Variants in SSH1 observed in about 807,000 individuals in gnomAD.
SSH1 encodes slingshot protein phosphatase 1, also known as protein phosphatase Slingshot homolog 1.
In SSH1, 43 loss-of-function variants were observed where a neutral mutation model predicts 79.7. The observed-to-expected ratio is 0.54, with a 90% CI of 0.42 to 0.70. SSH1 has a LOEUF of 0.70. Ranked by LOEUF, SSH1 falls within the 30% of genes least tolerant of loss-of-function variation. The pLI is 0.00. For synonymous variants in SSH1, 599 were observed against 538.3 expected, an observed-to-expected ratio of 1.11 and a Z score of -1.56; for missense variants, 1,206 against 1,358.8, an observed-to-expected ratio of 0.89 and a Z score of 1.77.
chr12:108,815,255 G>A (rs1268549480), intron 5 of SSH1, among the ~76,000 whole-genome samples: 3 of 152,212 alleles, frequency 2.0e-5, no homozygotes, highest in African/African-American at 4.8e-5. Flanking sequence ...GCTTCTGACT[G>A]TCATGTGTAA....
intron 2 of SSH1, among the ~76,000 whole-genome samples, chr12:108,832,319 AAAAGAAAAG>A (rs1037275528): frequency 1.3e-5 from 2 of 150,980 alleles, no homozygotes; most frequent in South Asian, 2.1e-4. Flanking sequence ...CTCCCAAAAG[AAAAGAAAAG>A]AAAGAAAAGA....
chr12:108,797,485 T>A (rs1269577778), intron 13 of SSH1, among the ~76,000 whole-genome samples: 1 of 152,174 alleles, frequency 6.6e-6, no homozygotes. Context: ...ACTGGCTCTT[T>A]CTGAATAATG....
intron 2 of SSH1, among the ~76,000 whole-genome samples, chr12:108,836,626 G>A (rs767530193): frequency 6.6e-6 from 1 of 152,132 alleles, no homozygotes; most frequent in Non-Finnish European, 1.5e-5. Flanking sequence ...GAATTGAAAC[G>A]GACATTGATG....
chr12:108,855,804 T>A (rs2039132393), intron 1 of SSH1, among the ~76,000 whole-genome samples: 1 of 152,142 alleles, frequency 6.6e-6, no homozygotes, highest in South Asian at 2.1e-4. Flanking sequence ...CTAATCAGCG[T>A]GTAGAGGGGG....
chr12:108,797,183 G>C (rs947018432), intron 13 of SSH1, among the ~76,000 whole-genome samples: 2 of 152,028 alleles, frequency 1.3e-5, no homozygotes, highest in Non-Finnish European at 2.9e-5. Context: ...CTGGAGTGCA[G>C]TGGCACAATC....
chr12:108,780,956 T>G lies in SSH1; in HGVS notation c.*7032A>C, dbSNP rs2036139551. On this transcript the variant is annotated 3_prime_UTR_variant, in exon 15 of 15. Transcript: ENST00000326495. ...GGGAGGCTGAGGCAGGAAAATCACT[T>G]GAACCCAGGAGGCAGAGGTTGCGGT... 1 of 151,298 alleles carries G rather than the reference T, an allele frequency of 6.6e-6. No homozygotes were observed. Among genetic ancestry groups the G allele is most frequent in the Non-Finnish European group, 1.5e-5 (1 of 67,878 alleles). 9.4% of individuals were successfully genotyped at this position (151,298 alleles called of 1,614,324 possible).
chr12:108,839,099 C>T (rs2038714145), intron 2 of SSH1, among the ~76,000 whole-genome samples: 1 of 152,212 alleles, frequency 6.6e-6, no homozygotes, highest in Non-Finnish European at 1.5e-5. Context: ...CTCTTTTTGA[C>T]TCCACACAGA....
intron 10 of SSH1, among the ~76,000 whole-genome samples, chr12:108,803,715 G>A (rs934253659): frequency 2.6e-5 from 4 of 152,296 alleles, no homozygotes; most frequent in Admixed American, 2.0e-4. Context: ...GGAGAAAGAA[G>A]GAAGGTGCCT....
At chr12:108,836,045 A>C (rs1286174756) in intron 2 of SSH1, among the ~76,000 whole-genome samples, 6 of 147,416 alleles carry the variant, frequency 4.1e-5, no homozygotes, top group Admixed American at 1.4e-4. Context: ...ATTAATATTA[A>C]TATAATCAAT....
intron 3 of SSH1, among the ~76,000 whole-genome samples, chr12:108,821,514 T>C (rs1221329496): frequency 6.6e-6 from 1 of 152,130 alleles, no homozygotes; most frequent in Admixed American, 6.5e-5. Flanking sequence ...CAGCACCTAC[T>C]ACAGGTAGGT....
chr12:108,816,909 G>A lies in SSH1; in HGVS notation c.401+129C>T, dbSNP rs563722958. The A allele has an allele frequency of 2.2e-5, 32 of 1,426,778 alleles. No individual in the cohort carries two copies. In the East Asian group the frequency reaches 5.1e-4, roughly 23 times the overall value. The allele number at this position is 1,426,778 out of a possible 1,614,324, so 88.4% of individuals were successfully genotyped here. ...CACACCCTAGTGTTCCCAGTGGCTC[G>A]ACTCCCCAGGCTCTCCATCAGGACG... On this transcript the variant is annotated intron_variant, in intron 5 of 14. Transcript: ENST00000326495.
intron 2 of SSH1, chr12:108,827,389 C>T: frequency 6.6e-7 from 1 of 1,508,010 alleles, no homozygotes; most frequent in Non-Finnish European, 8.9e-7. Flanking sequence ...TACAACTGCC[C>T]TCCGAGCTCT....
chr12:108,837,982 C>T (rs1212104453), intron 2 of SSH1, among the ~76,000 whole-genome samples: 3 of 152,252 alleles, frequency 2.0e-5, no homozygotes, highest in Admixed American at 6.5e-5. Context: ...CAGGGTCTCA[C>T]TATGCTGCCA....
rs977779669 is a variant in SSH1 at position 108,785,253 on chromosome 12, T to A, written c.*2735A>T. 1.3e-5 allele frequency: 2 copies of A among 152,274 alleles called. No homozygotes were observed. Among genetic ancestry groups the A allele is most frequent in the Admixed American group, 1.3e-4 (2 of 15,276 alleles). 9.4% of individuals were successfully genotyped at this position (152,274 alleles called of 1,614,324 possible). ...CTCCTGCCTCAGCCTCCTAAGTAGCTAGGATTACAGGCACGCACTACCACA... is the reference window on the plus strand; with the variant it reads ...CTCCTGCCTCAGCCTCCTAAGTAGCAAGGATTACAGGCACGCACTACCACA... On this transcript the variant is annotated 3_prime_UTR_variant, in exon 15 of 15. Coordinates refer to ENST00000326495, the MANE Select transcript of SSH1 (RefSeq NM_018984.4).
rs1332571989 is a variant in SSH1 at position 108,788,741 on chromosome 12, C to T, written c.2397G>A (p.Lys799=). Residue 799 remains lysine (K), a synonymous_variant, in exon 15 of 15, where the codon AAG becomes AAA. Coordinates refer to ENST00000326495, the MANE Select transcript of SSH1 (RefSeq NM_018984.4). ...GCATCAGGTAGCTGTTGGTTGTCGG[C>T]TTCTCAGATTCATTACTGAACAGAA... ...LRLLFSNESE[K]PTTNSYLMQH... 6.2e-7 allele frequency: 1 copy of T among 1,614,266 alleles called. No individual in the cohort carries two copies. Among genetic ancestry groups the T allele is most frequent in the Non-Finnish European group, 8.5e-7 (1 of 1,180,050 alleles).
At chr12:108,852,810 G>C in intron 1 of SSH1, 132 bp from the exon 2 acceptor site, 1 of 1,569,632 alleles carries the variant, frequency 6.4e-7, no homozygotes, top group East Asian at 2.3e-5. Flanking sequence ...CTTCTAAACA[G>C]CCGTGCCCTT....
intron 11 of SSH1, among the ~76,000 whole-genome samples, chr12:108,801,821 A>G (rs1278395093): frequency 6.6e-6 from 1 of 151,962 alleles, no homozygotes; most frequent in South Asian, 2.1e-4. Context: ...TGTTTGTCAG[A>G]CTACGACAGG....
intron 3 of SSH1, among the ~76,000 whole-genome samples, chr12:108,820,821 G>A (rs755050447): frequency 3.3e-5 from 5 of 152,196 alleles, no homozygotes; most frequent in South Asian, 2.1e-4. Context: ...TCTAGTCTGC[G>A]TCTGTCCCAA....
chr12:108,827,730 C>T (rs1240692108), intron 2 of SSH1, among the ~76,000 whole-genome samples: 1 of 152,184 alleles, frequency 6.6e-6, no homozygotes, highest in Non-Finnish European at 1.5e-5. Context: ...AGCAACAAGA[C>T]CCCCTTCCGA....
Sources: gnomAD v4.1 joint callset for allele counts (sites outside exome capture counted in the v4.1 genomes callset) on GRCh38, gnomAD v4.1.1 for gene constraint, MANE v1.5 for transcripts, NCBI Gene and HGNC (gene_info 2026-07-23, HGNC 2026-07-21) for gene names.